Variants in KREMEN1 observed in about 807,000 individuals in gnomAD.
KREMEN1 encodes kremen protein 1.
A neutral mutation model predicts 46.5 loss-of-function variants in KREMEN1; 30 were observed. That is an observed-to-expected ratio of 0.65 (90% CI 0.48 to 0.88). The LOEUF is 0.88. KREMEN1 is among the 40% of genes least tolerant of loss of function. The pLI, the probability that KREMEN1 is intolerant of heterozygous loss-of-function variation, is 0.00. For missense variants in KREMEN1, 533 were observed against 596.9 expected (o/e 0.89, Z 1.11); for synonymous variants, 214 against 230.6 (o/e 0.93, Z 0.65).
intron 1 of KREMEN1, among the ~76,000 whole-genome samples, chr22:29,081,838 T>C (rs2037659865): frequency 6.6e-6 from 1 of 152,232 alleles, no homozygotes; most frequent in Admixed American, 6.5e-5. Flanking sequence ...GCTACAACTT[T>C]GTTGCTTCGA....
intron 3 of KREMEN1, among the ~76,000 whole-genome samples, chr22:29,110,441 A>T (rs2038130104): frequency 6.6e-6 from 1 of 152,240 alleles, no homozygotes; most frequent in Non-Finnish European, 1.5e-5. Context: ...ACACATGTAC[A>T]GGGAGGGGAG....
chr22:29,101,004 G>A (rs940397370), intron 3 of KREMEN1, among the ~76,000 whole-genome samples: 2 of 152,134 alleles, frequency 1.3e-5, no homozygotes, highest in African/African-American at 2.4e-5. Flanking sequence ...GTAATCCCAG[G>A]ACTTTGGGAG....
At chr22:29,086,603 C>G (rs773569934) in intron 1 of KREMEN1, among the ~76,000 whole-genome samples, 3 of 152,178 alleles carry the variant, frequency 2.0e-5, no homozygotes, top group Non-Finnish European at 4.4e-5. Context: ...AATCAGCTTT[C>G]CCATAGTGCT....
In KREMEN1 at chr22:29,143,150, C is replaced by CA. The variant is rs1415407716; in HGVS notation, c.*1045dup. On this transcript the variant is annotated 3_prime_UTR_variant, in exon 9 of 9. Coordinates refer to ENST00000400335, the MANE Select transcript of KREMEN1 (RefSeq NM_001039570.3). ...GGGTGACAAGAGTGAGACTCTGTCT[C>CA]AAAAAAACAAAACACAAATAAACAA... 2 of 975,796 alleles carry CA rather than the reference C, an allele frequency of 2.0e-6. No homozygotes were observed. Among genetic ancestry groups the CA allele is most frequent in the Admixed American group, 6.2e-5 (1 of 16,212 alleles). The allele number at this position is 975,796 out of a possible 1,614,324, so 60.4% of individuals were successfully genotyped here. A position where few individuals can be genotyped will look rare whatever the true frequency, so the allele number is the denominator to read the frequency against.
intron 1 of KREMEN1, among the ~76,000 whole-genome samples, chr22:29,087,210 G>T (rs2037743779): frequency 6.6e-6 from 1 of 152,108 alleles, no homozygotes; most frequent in Non-Finnish European, 1.5e-5. Context: ...TGAATTTAAT[G>T]TGAATTGATT....
At chr22:29,158,892 C>T (rs1012437464) in intron 9 of KREMEN1, among the ~76,000 whole-genome samples, 2 of 151,740 alleles carry the variant, frequency 1.3e-5, no homozygotes, top group East Asian at 3.9e-4. Context: ...CTGCTCAGCT[C>T]GCTGCAACCT....
intron 4 of KREMEN1, among the ~76,000 whole-genome samples, chr22:29,124,912 G>C (rs1171909308): frequency 6.6e-6 from 1 of 152,192 alleles, no homozygotes; most frequent in Non-Finnish European, 1.5e-5. Flanking sequence ...TTGAGGGTTA[G>C]CTATAAAGCA....
chr22:29,149,407 C>T (rs1011724382), downstream of KREMEN1, among the ~76,000 whole-genome samples: 1 of 152,176 alleles, frequency 6.6e-6, no homozygotes. Flanking sequence ...ATGATCCGCC[C>T]ACCTTGCCCT....
chr22:29,141,841 C>T, intron 8 of KREMEN1, 103 bp from the exon 9 acceptor site: 1 of 911,668 alleles, frequency 1.1e-6, no homozygotes, highest in Non-Finnish European at 1.6e-6. Flanking sequence ...AGGTCCTTCC[C>T]AAGACCTTGC....
intron 3 of KREMEN1, among the ~76,000 whole-genome samples, chr22:29,118,862 G>A (rs114578335): frequency 0.011 from 1,615 of 152,182 alleles, 26 homozygotes; most frequent in African/African-American, 0.037. Context: ...CCACCTGGGG[G>A]TCCTACAATT....
At position 29,145,500 on chromosome 22, in the gene KREMEN1, G is replaced by A. The variant is rs1601816564; in HGVS notation, c.*3388G>A. On this transcript the variant is annotated 3_prime_UTR_variant, in exon 9 of 9. Coordinates refer to ENST00000400335, the MANE Select transcript of KREMEN1 (RefSeq NM_001039570.3). ...GCCTTCTTGGTACCTGTGCCAACAGGAGAGCCCTCACCAGCCGATCTTGTC... is the reference window on the plus strand; with the variant it reads ...GCCTTCTTGGTACCTGTGCCAACAGAAGAGCCCTCACCAGCCGATCTTGTC... The A allele has an allele frequency of 6.1e-6, 6 of 985,594 alleles. No individual in the cohort carries two copies. Among genetic ancestry groups the A allele is most frequent in the East Asian group, 1.1e-4 (1 of 8,806 alleles). The allele number at this position is 985,594 out of a possible 1,614,324, so 61.1% of individuals were successfully genotyped here.
At position 29,143,833 on chromosome 22, in the gene KREMEN1, G is replaced by T; in HGVS notation, c.*1721G>T. The T allele has an allele frequency of 1.0e-6, 1 of 985,510 alleles. No individual in the cohort carries two copies. Among genetic ancestry groups the T allele is most frequent in the Non-Finnish European group, 1.2e-6 (1 of 830,026 alleles). The allele number at this position is 985,510 out of a possible 1,614,324, so 61.0% of individuals were successfully genotyped here. A position where few individuals can be genotyped will look rare whatever the true frequency, so the allele number is the denominator to read the frequency against. On this transcript the variant is annotated 3_prime_UTR_variant, in exon 9 of 9. Transcript: ENST00000400335. ...TTAGGAATGGCTCAGTGGGGAAGGA[G>T]AGCACTCTTGTCCCCAGTCCCTTGC... is the stretch of plus-strand genomic sequence containing the variant.
chr22:29,131,546 ATATATATATATATATGTGTGTGTG>A (rs1409473249), intron 5 of KREMEN1, among the ~76,000 whole-genome samples: 3 of 46,370 alleles, frequency 6.5e-5, no homozygotes, highest in Non-Finnish European at 1.2e-4. Context: ...ATATATATAT[ATATATATATATATATGTGTGTGTG>A]TGTGTGTGTG....
downstream of KREMEN1, chr22:29,146,906 T>A (rs1182802205): frequency 1.9e-6 from 1 of 524,430 alleles, no homozygotes. Flanking sequence ...GATTCCTGCC[T>A]CCCCTTGGGT....
chr22:29,154,208 A>C (rs185897618), intron 9 of KREMEN1: 1 of 152,094 alleles, frequency 6.6e-6, no homozygotes. Flanking sequence ...TTTACAATGC[A>C]CAAAGTAGGG....
At chr22:29,132,428 G>A (rs2038578193) in intron 5 of KREMEN1, among the ~76,000 whole-genome samples, 1 of 152,108 alleles carries the variant, frequency 6.6e-6, no homozygotes, top group African/African-American at 2.4e-5. Flanking sequence ...TGCATATTTA[G>A]CATTATAAGT....
chr22:29,144,058 G>T lies in KREMEN1; in HGVS notation c.*1946G>T. 1 of 985,562 alleles carries T rather than the reference G, an allele frequency of 1.0e-6. No homozygotes were observed. Among genetic ancestry groups the T allele is most frequent in the Non-Finnish European group, 1.2e-6 (1 of 830,008 alleles). The allele number at this position is 985,562 out of a possible 1,614,324, so 61.1% of individuals were successfully genotyped here. A position where few individuals can be genotyped will look rare whatever the true frequency, so the allele number is the denominator to read the frequency against. On this transcript the variant is annotated 3_prime_UTR_variant, in exon 9 of 9. Coordinates refer to ENST00000400335, the MANE Select transcript of KREMEN1 (RefSeq NM_001039570.3). The stretch of plus-strand genomic sequence containing the variant: ...ATCAGGCTTTGTCAACAGCAGCTGA[G>T]AAAAGCAGCCTGTGCCTCTGCTGGC...
At chr22:29,161,836 T>A (rs2145876105) in intron 9 of KREMEN1, among the ~76,000 whole-genome samples, 1 of 151,928 alleles carries the variant, frequency 6.6e-6, no homozygotes, top group East Asian at 1.9e-4. Context: ...ATCAAAAAGT[T>A]GGCCGGGTGG....
At chr22:29,122,804 G>A (rs1339331846) in intron 4 of KREMEN1, among the ~76,000 whole-genome samples, 2 of 151,910 alleles carry the variant, frequency 1.3e-5, no homozygotes. Context: ...CGGGCATGGT[G>A]GTGTGTGCCT....
Sources: gnomAD v4.1 joint callset for allele counts (sites outside exome capture counted in the v4.1 genomes callset) on GRCh38, gnomAD v4.1.1 for gene constraint, MANE v1.5 for transcripts, NCBI Gene and HGNC (gene_info 2026-07-23, HGNC 2026-07-21) for gene names.